CACNA2D1: variants seen among roughly 807,000 people sequenced by gnomAD.
The protein encoded by CACNA2D1 is calcium voltage-gated channel auxiliary subunit alpha2delta 1.
CACNA2D1 carries 53 observed loss-of-function variants against 171.5 expected under a neutral mutation model. The ratio of observed to expected loss-of-function variants is 0.31; its 90% confidence interval spans 0.25 to 0.39. CACNA2D1 has a LOEUF of 0.39. Among genes scored for constraint, CACNA2D1 ranks in the 10% least tolerant of loss-of-function variants. CACNA2D1 has a pLI of 1.00. For missense variants in CACNA2D1, 903 were observed against 1,299.8 expected (o/e 0.69, Z 4.69); for synonymous variants, 442 against 443.1 (o/e 1.00, Z 0.03).
intron 29 of CACNA2D1, among the ~76,000 whole-genome samples, chr7:81,968,003 A>G (rs1794890872): frequency 6.6e-6 from 1 of 151,546 alleles, no homozygotes; most frequent in Non-Finnish European, 1.5e-5. Flanking sequence ...GTAGGTGCTT[A>G]ATAAATCTTT....
At chr7:82,189,728 T>C (rs1429576402) in intron 3 of CACNA2D1, among the ~76,000 whole-genome samples, 1 of 151,630 alleles carries the variant, frequency 6.6e-6, no homozygotes, top group Non-Finnish European at 1.5e-5. Context: ...CAGAAAAGAA[T>C]ACATAAGGGA....
intron 1 of CACNA2D1, among the ~76,000 whole-genome samples, chr7:82,363,426 G>A (rs935604092): frequency 6.6e-6 from 1 of 151,626 alleles, no homozygotes; most frequent in Non-Finnish European, 1.5e-5. Context: ...CACCACTTCC[G>A]GCTAATTTTT....
At chr7:82,385,381 G>A (rs1824218373) in intron 1 of CACNA2D1, among the ~76,000 whole-genome samples, 1 of 152,162 alleles carries the variant, frequency 6.6e-6, no homozygotes. Context: ...TTTCCCTGAT[G>A]CTTACAAATG....
intron 12 of CACNA2D1, among the ~76,000 whole-genome samples, chr7:82,019,643 A>G (rs1378703144): frequency 6.6e-6 from 1 of 152,160 alleles, no homozygotes; most frequent in Non-Finnish European, 1.5e-5. Context: ...TCTTCAATTA[A>G]GAGTTTTCCA....
intron 5 of CACNA2D1, among the ~76,000 whole-genome samples, chr7:82,123,888 C>A (rs1790025737): frequency 6.6e-6 from 1 of 152,170 alleles, no homozygotes; most frequent in South Asian, 2.1e-4. Context: ...GCTTTAAATG[C>A]TACCACTTAG....
At chr7:82,342,145 A>G (rs1818743840) in intron 2 of CACNA2D1, among the ~76,000 whole-genome samples, 1 of 151,172 alleles carries the variant, frequency 6.6e-6, no homozygotes, top group African/African-American at 2.4e-5. Context: ...TTTCCCTATA[A>G]CCTAGCTTTT....
chr7:82,321,714 A>C (rs73164286), intron 3 of CACNA2D1, among the ~76,000 whole-genome samples: 12,653 of 152,254 alleles, frequency 0.083, 630 homozygotes, highest in African/African-American at 0.13. Flanking sequence ...GCACATACAT[A>C]CAAAATGAGA....
chr7:82,137,924 A>G (rs187084786), intron 4 of CACNA2D1, among the ~76,000 whole-genome samples: 1 of 152,210 alleles, frequency 6.6e-6, no homozygotes, highest in Non-Finnish European at 1.5e-5. Context: ...TTACTTGGGA[A>G]AAGTTCACTA....
intron 4 of CACNA2D1, among the ~76,000 whole-genome samples, chr7:82,139,162 T>C (rs1270146276): frequency 2.0e-5 from 3 of 152,118 alleles, no homozygotes; most frequent in African/African-American, 7.2e-5. Context: ...TGGATACAAA[T>C]CAGTTGCATA....
In CACNA2D1 at chr7:82,443,483, C is replaced by G; in HGVS notation, c.-24G>C. 1 of 1,602,778 alleles carries G rather than the reference C, an allele frequency of 6.2e-7. No homozygotes were observed. Among genetic ancestry groups the G allele is most frequent in the Non-Finnish European group, 8.5e-7 (1 of 1,174,612 alleles). ...ATCTTCGCGATCGAAGATCAATGCCCCCTCCCTGCCCAAGCGGGGGAAGGA... is the reference window on the plus strand; with the variant it reads ...ATCTTCGCGATCGAAGATCAATGCCGCCTCCCTGCCCAAGCGGGGGAAGGA... On this transcript the variant is annotated 5_prime_UTR_variant, in exon 1 of 39. Transcript: ENST00000356860.
At chr7:82,034,864 A>G (rs1175501549) in intron 11 of CACNA2D1, among the ~76,000 whole-genome samples, 1 of 152,076 alleles carries the variant, frequency 6.6e-6, no homozygotes, top group Non-Finnish European at 1.5e-5. Flanking sequence ...TTCCCGAGAG[A>G]GAGATGTTAG....
chr7:82,140,756 C>T lies in CACNA2D1; in HGVS notation c.355-4080G>A, dbSNP rs185862384. On this transcript the variant is annotated intron_variant, in intron 4 of 38. Transcript: ENST00000356860. ...GGATCACAAGGTCTGGAGATCGAGA[C>T]CATCCTGGCCAACACGGTGAAATCC... Among the ~76,000 whole-genome samples the T allele has an allele frequency of 2.1e-3, 324 of 151,826 alleles. 1 individual carries two copies. Among genetic ancestry groups the T allele is most frequent in the Non-Finnish European group, 3.7e-3 (254 of 67,958 alleles).
intron 20 of CACNA2D1, among the ~76,000 whole-genome samples, chr7:81,993,162 ACTC>A (rs1320577171): frequency 6.6e-6 from 1 of 152,178 alleles, no homozygotes; most frequent in Non-Finnish European, 1.5e-5. Context: ...GAATAGTAAG[ACTC>A]ATGAAAGACA....
At chr7:81,967,708 A>G (rs1794857429) in intron 29 of CACNA2D1, 45 bp from the exon 30 acceptor site, 1 of 874,016 alleles carries the variant, frequency 1.1e-6, no homozygotes, top group African/African-American at 1.7e-5. Flanking sequence ...ATTAGATGTA[A>G]TACAACCTTT....
intron 1 of CACNA2D1, among the ~76,000 whole-genome samples, chr7:82,377,552 C>T (rs1429088914): frequency 6.6e-6 from 1 of 152,136 alleles, no homozygotes; most frequent in Admixed American, 6.5e-5. Flanking sequence ...CCTCACCTTC[C>T]CCTGCATAAT....
chr7:82,398,683 C>T (rs996859530), intron 1 of CACNA2D1, among the ~76,000 whole-genome samples: 5 of 151,470 alleles, frequency 3.3e-5, no homozygotes, highest in Admixed American at 6.6e-5. Context: ...GCTAAAGGGG[C>T]CCTCCCACTT....
At chr7:82,038,886 C>T (rs778498156) in intron 10 of CACNA2D1, among the ~76,000 whole-genome samples, 14 of 152,192 alleles carry the variant, frequency 9.2e-5, no homozygotes, top group South Asian at 2.1e-4. Context: ...TCAACTCCAA[C>T]GATAACTGCC....
chr7:82,277,097 T>G (rs1214989020), intron 3 of CACNA2D1, among the ~76,000 whole-genome samples: 1 of 152,136 alleles, frequency 6.6e-6, no homozygotes, highest in Non-Finnish European at 1.5e-5. Flanking sequence ...TAGAGATCGT[T>G]CAAAACGCTA....
chr7:82,210,628 C>G (rs936333040), intron 3 of CACNA2D1, among the ~76,000 whole-genome samples: 4 of 152,266 alleles, frequency 2.6e-5, no homozygotes, highest in African/African-American at 9.6e-5. Context: ...TCATTTGGAA[C>G]ATGGATTTTT....
Sources: allele counts gnomAD v4.1 joint callset (sites outside exome capture counted in the v4.1 genomes callset), GRCh38; gene constraint gnomAD v4.1.1; transcripts MANE v1.5; gene names NCBI Gene and HGNC (gene_info 2026-07-23, HGNC 2026-07-21).